The following NPAT variants were observed in gnomAD, a reference collection of about 807,000 sequenced individuals.
The protein encoded by NPAT is nuclear protein, coactivator of histone transcription.
NPAT carries 52 observed loss-of-function variants against 130.7 expected under a neutral mutation model. The ratio of observed to expected loss-of-function variants is 0.40; its 90% CI spans 0.32 to 0.50. The LOEUF is 0.50. NPAT is among the 20% of genes least tolerant of loss of function. The pLI, the probability that NPAT is intolerant of heterozygous loss-of-function variation, is 0.68. For synonymous variants in NPAT, 580 were observed against 584.8 expected, an observed-to-expected ratio of 0.99 and a Z score of 0.12; for missense variants, 1,687 against 1,662.6, an observed-to-expected ratio of 1.01 and a Z score of -0.26.
At chr11:108,220,247 A>G (rs936731137) in intron 1 of NPAT, among the ~76,000 whole-genome samples, 6 of 152,212 alleles carry the variant, frequency 3.9e-5, no homozygotes. Flanking sequence ...AGTGAGATGC[A>G]AAAGTCAGAG....
At chr11:108,169,048 A>C (rs1250272014) in intron 15 of NPAT, among the ~76,000 whole-genome samples, 1 of 152,206 alleles carries the variant, frequency 6.6e-6, no homozygotes, top group South Asian at 2.1e-4. Flanking sequence ...AGCAGATATG[A>C]GGTGAACTGA....
intron 1 of NPAT, among the ~76,000 whole-genome samples, chr11:108,210,855 T>A (rs1229778478): frequency 1.3e-5 from 2 of 152,342 alleles, no homozygotes; most frequent in East Asian, 3.9e-4. Flanking sequence ...CCCATTCTTT[T>A]AGACCAATAT....
At chr11:108,208,101 T>C (rs1406646543) in intron 1 of NPAT, among the ~76,000 whole-genome samples, 1 of 152,234 alleles carries the variant, frequency 6.6e-6, no homozygotes, top group Non-Finnish European at 1.5e-5. Flanking sequence ...TTGGAACATT[T>C]GCATTATACT....
chr11:108,169,871 T>C lies in NPAT; in HGVS notation c.2902-19A>G. 2 of 1,610,260 alleles carry C rather than the reference T, an allele frequency of 1.2e-6. No individual in the cohort carries two copies. Among genetic ancestry groups the C allele is most frequent in the Non-Finnish European group, 1.7e-6 (2 of 1,176,464 alleles). On this transcript the variant is annotated intron_variant, in intron 14 of 17. Coordinates refer to ENST00000278612, the MANE Select transcript of NPAT (RefSeq NM_002519.3). ...GAAGAACCTGGAAGAGAAAAAGCCA[T>C]TAATTACACTAAGCTTGAAAAGCAT...
intron 13 of NPAT, chr11:108,171,977 GA>G: frequency 1.8e-6 from 1 of 553,338 alleles, no homozygotes; most frequent in Non-Finnish European, 3.2e-6. Flanking sequence ...TTTGTGAAAA[GA>G]AAAAAGAAAA....
intron 1 of NPAT, among the ~76,000 whole-genome samples, chr11:108,212,432 G>A (rs1402322920): frequency 6.6e-6 from 1 of 151,824 alleles, no homozygotes; most frequent in African/African-American, 2.4e-5. Flanking sequence ...GGCAGAGGCA[G>A]GAGAATTGCT....
At chr11:108,160,412 C>T (rs887038541) in intron 17 of NPAT, among the ~76,000 whole-genome samples, 2 of 151,538 alleles carry the variant, frequency 1.3e-5, no homozygotes, top group Non-Finnish European at 2.9e-5. Flanking sequence ...GATTACAAGA[C>T]GTGGGGGAAA....
chr11:108,174,564 TAAAAAAAAAAA>T (rs561166671), intron 12 of NPAT, among the ~76,000 whole-genome samples: 2 of 103,984 alleles, frequency 1.9e-5, no homozygotes, highest in Admixed American at 2.1e-4. Context: ...GAGAAGATCT[TAAAAAAAAAAA>T]AAAAAAAAGA....
chr11:108,183,234 GC>G (rs1475606966), intron 10 of NPAT, among the ~76,000 whole-genome samples: 1 of 152,108 alleles, frequency 6.6e-6, no homozygotes, highest in Non-Finnish European at 1.5e-5. Context: ...CAGTCCTCCT[GC>G]CTTGGCCTCT....
At chr11:108,185,542 G>T in intron 8 of NPAT, 48 bp from the exon 9 acceptor site, 1 of 1,180,888 alleles carries the variant, frequency 8.5e-7, no homozygotes. Context: ...AGAGTATTCT[G>T]CTATTTAATA....
intron 1 of NPAT, among the ~76,000 whole-genome samples, chr11:108,215,871 T>G (rs1400083541): frequency 6.6e-6 from 1 of 152,188 alleles, no homozygotes; most frequent in Non-Finnish European, 1.5e-5. Flanking sequence ...TGAAGAAAGC[T>G]TTATCTCAGA....
intron 7 of NPAT, among the ~76,000 whole-genome samples, chr11:108,187,782 T>C (rs1259778908): frequency 6.6e-6 from 1 of 152,186 alleles, no homozygotes; most frequent in African/African-American, 2.4e-5. Flanking sequence ...AACTGTATTA[T>C]TTACATTCAG....
chr11:108,167,819 C>G (rs1043113770), intron 15 of NPAT, among the ~76,000 whole-genome samples: 1 of 152,086 alleles, frequency 6.6e-6, no homozygotes, highest in Non-Finnish European at 1.5e-5. Context: ...AAACAAGTGT[C>G]AGACTGTGAA....
Position 108,185,277 on chromosome 11 carries a change from G to C in NPAT, c.861C>G (p.Asn287Lys). The change falls in exon 10 of 18, where the codon AAC becomes AAG. Residue 287 changes from asparagine to lysine, a missense_variant. Asn to Lys is a moderately conservative substitution (Grantham distance 94). This residue lies in a region of NPAT where 1,379 missense variants were observed against 1,346.6 expected (regional missense o/e 1.02). Coordinates refer to ENST00000278612, the MANE Select transcript of NPAT (RefSeq NM_002519.3). ...IAQVPKQTDN[N>K]PTEPETSIDE... is the part of the protein sequence containing the mutation. Reference sequence around the variant, plus strand: ...CAATTGAAGTCTCTGGCTCCGTAGGGTTGTTATCTGTTTGCTTAGGTACTT... The same window carrying C: ...CAATTGAAGTCTCTGGCTCCGTAGGCTTGTTATCTGTTTGCTTAGGTACTT... 1.2e-6 allele frequency: 2 copies of C among 1,612,308 alleles called. No homozygotes were observed. Among genetic ancestry groups the C allele is most frequent in the Non-Finnish European group, 8.5e-7 (1 of 1,179,030 alleles).
At chr11:108,170,342 A>T in intron 13 of NPAT, 1 of 369,822 alleles carries the variant, frequency 2.7e-6, no homozygotes, top group South Asian at 2.3e-5. Flanking sequence ...TACAGCCAAG[A>T]CATCATATTA....
chr11:108,161,725 T>C lies in NPAT; in HGVS notation c.3361A>G (p.Lys1121Glu). ...GATAAAATCTTAGGCAGAGGAGGCT[T>C]CTCTTTCTCTCTTTTGATAGCATTA... is the stretch of plus-strand genomic sequence containing the variant. ...SNNAIKREKE[K>E]PPLPKILSKS... is the part of the protein sequence containing the mutation. The change falls in exon 17 of 18, where the codon AAG becomes GAG. Residue 1121 changes from lysine (K) to glutamate (E), a missense_variant. Physicochemically the swap from Lys to Glu is moderately conservative, Grantham distance 56. This residue lies in a region of NPAT where 1,379 missense variants were observed against 1,346.6 expected (regional missense o/e 1.02). Coordinates refer to ENST00000278612, the MANE Select transcript of NPAT (RefSeq NM_002519.3). 1 of 1,613,748 alleles carries C rather than the reference T, an allele frequency of 6.2e-7. No individual in the cohort carries two copies. The highest frequency in any genetic ancestry group is 1.3e-5 in the African/African-American group (1 of 75,034).
chr11:108,185,181 C>T (rs780357538), intron 10 of NPAT, 51 bp downstream of exon 10: 2 of 1,227,478 alleles, frequency 1.6e-6, no homozygotes, highest in South Asian at 2.5e-5. Flanking sequence ...TACCATCAAT[C>T]TTAAGTATAA....
At chr11:108,221,386 C>T (rs549829635) in intron 1 of NPAT, among the ~76,000 whole-genome samples, 67 of 152,250 alleles carry the variant, frequency 4.4e-4, no homozygotes, top group African/African-American at 1.4e-3. Flanking sequence ...TACCAAACTG[C>T]CAAAACTCAG....
At chr11:108,183,774 G>A (rs746080180) in intron 10 of NPAT, among the ~76,000 whole-genome samples, 5 of 151,968 alleles carry the variant, frequency 3.3e-5, no homozygotes, top group African/African-American at 7.2e-5. Context: ...CAGCCTGGGT[G>A]ACACAGCGAG....
Sources: allele counts gnomAD v4.1 joint callset (sites outside exome capture counted in the v4.1 genomes callset), GRCh38; gene constraint gnomAD v4.1.1; regional missense constraint gnomAD v4.1.1; transcripts MANE v1.5; gene names NCBI Gene and HGNC (gene_info 2026-07-23, HGNC 2026-07-21).